The following PDE3A variants were observed in gnomAD, a reference collection of about 807,000 sequenced individuals.
PDE3A encodes phosphodiesterase 3A.
In PDE3A, 43 loss-of-function variants were observed where a neutral mutation model predicts 98.3. The observed-to-expected ratio is 0.44, with a 90% confidence interval of 0.34 to 0.56. PDE3A has a LOEUF of 0.56. PDE3A is among the 20% of genes least tolerant of loss of function. The probability of loss-of-function intolerance (pLI) is 0.01; values close to 1 mark genes in which losing one functional copy is unlikely to be tolerated. For synonymous variants in PDE3A, 663 were observed against 567.9 expected, an observed-to-expected ratio of 1.17 and a Z score of -2.38; for missense variants, 1,427 against 1,440.7, an observed-to-expected ratio of 0.99 and a Z score of 0.15.
At chr12:20,641,906 A>G (rs1387799438) in intron 10 of PDE3A, among the ~76,000 whole-genome samples, 1 of 152,130 alleles carries the variant, frequency 6.6e-6, no homozygotes, top group African/African-American at 2.4e-5. Flanking sequence ...ATCTTCTCAT[A>G]GGAAAGCTCT....
chr12:20,515,773 C>T (rs947296461), intron 1 of PDE3A, among the ~76,000 whole-genome samples: 2 of 150,642 alleles, frequency 1.3e-5, no homozygotes, highest in African/African-American at 2.4e-5. Flanking sequence ...CGCTCTGTCG[C>T]CCAGGCTGGA....
intron 1 of PDE3A, 94 bp from the exon 2 acceptor site, chr12:20,556,566 G>A (rs1320090557): frequency 2.4e-6 from 2 of 820,652 alleles, no homozygotes; most frequent in African/African-American, 3.5e-5. Context: ...TACTAATAAA[G>A]ATTGGAACAA....
chr12:20,475,713 C>T (rs770664422), intron 1 of PDE3A, among the ~76,000 whole-genome samples: 1 of 140,624 alleles, frequency 7.1e-6, no homozygotes, highest in Non-Finnish European at 1.6e-5. Flanking sequence ...CTGGGTGACA[C>T]ACCATACACA....
intron 1 of PDE3A, among the ~76,000 whole-genome samples, chr12:20,449,267 G>C (rs1399630156): frequency 6.6e-6 from 1 of 152,126 alleles, no homozygotes; most frequent in Non-Finnish European, 1.5e-5. Context: ...GTAATAATCT[G>C]TGTTATTCCA....
chr12:20,569,199 C>A (rs1942734464), intron 2 of PDE3A, among the ~76,000 whole-genome samples: 1 of 151,954 alleles, frequency 6.6e-6, no homozygotes, highest in Non-Finnish European at 1.5e-5. Flanking sequence ...TTTTTGAAAT[C>A]ATGTTTTAAA....
Position 20,680,138 on chromosome 12 carries a change from G to A in PDE3A, c.3293G>A (p.Gly1098Asp), listed in dbSNP as rs764611561. The change falls in exon 16 of 16, where the codon GGC becomes GAC. Residue 1098 changes from glycine to aspartate, a missense_variant. This residue lies in a region of PDE3A where 142 missense variants were observed against 133.9 expected (regional missense o/e 1.06). Transcript: ENST00000359062. Reference sequence around the variant, plus strand: ...ATTGAAGAGGAGCAACGGTTGGCAGGCATAGAAAATCAATCCCTGGACCAG... The same window carrying A: ...ATTGAAGAGGAGCAACGGTTGGCAGACATAGAAAATCAATCCCTGGACCAG... ...KVIEEEQRLA[G>D]IENQSLDQTP... is the part of the protein sequence containing the mutation. The A allele has an allele frequency of 9.3e-6, 15 of 1,613,726 alleles. No individual in the cohort carries two copies. Among genetic ancestry groups the A allele is most frequent in the Non-Finnish European group, 1.3e-5 (15 of 1,179,884 alleles).
intron 1 of PDE3A, among the ~76,000 whole-genome samples, chr12:20,536,412 A>C (rs1317915223): frequency 6.6e-6 from 1 of 151,974 alleles, no homozygotes; most frequent in East Asian, 1.9e-4. Flanking sequence ...TTATCCACTT[A>C]AAGTATACAA....
At chr12:20,469,678 GT>G (rs1945403208) in intron 1 of PDE3A, among the ~76,000 whole-genome samples, 1 of 152,086 alleles carries the variant, frequency 6.6e-6, no homozygotes, top group Non-Finnish European at 1.5e-5. Context: ...GCCTTTATAT[GT>G]TTTTAAAAGA....
chr12:20,618,643 A>T (rs1035893320), intron 4 of PDE3A, among the ~76,000 whole-genome samples: 2 of 152,082 alleles, frequency 1.3e-5, no homozygotes, highest in South Asian at 4.1e-4. Flanking sequence ...TCTGTACCCA[A>T]TTACAAGGAG....
chr12:20,415,137 T>C (rs1319191399), intron 1 of PDE3A, among the ~76,000 whole-genome samples: 1 of 152,044 alleles, frequency 6.6e-6, no homozygotes, highest in Non-Finnish European at 1.5e-5. Context: ...TTTTCCTTTC[T>C]TTTTGTATCA....
At chr12:20,475,776 AGTTTT>A (rs888309430) in intron 1 of PDE3A, among the ~76,000 whole-genome samples, 3 of 152,222 alleles carry the variant, frequency 2.0e-5, no homozygotes, top group Non-Finnish European at 4.4e-5. Flanking sequence ...AAATGCTTTC[AGTTTT>A]GTTTTGTGCA....
At chr12:20,665,824 A>G (rs1945293465) in intron 15 of PDE3A, among the ~76,000 whole-genome samples, 1 of 152,006 alleles carries the variant, frequency 6.6e-6, no homozygotes, top group Non-Finnish European at 1.5e-5. Context: ...TGTAATATGC[A>G]ACTTTTTGTA....
At chr12:20,537,633 C>T (rs982916612) in intron 1 of PDE3A, among the ~76,000 whole-genome samples, 1 of 151,982 alleles carries the variant, frequency 6.6e-6, no homozygotes, top group African/African-American at 2.4e-5. Context: ...ATGTTGTTTG[C>T]TTTATTTCTT....
chr12:20,635,577 C>A (rs1272105757), intron 8 of PDE3A, among the ~76,000 whole-genome samples: 55 of 120,246 alleles, frequency 4.6e-4, no homozygotes, highest in Middle Eastern at 4.2e-3. Context: ...GACTCTGTCT[C>A]AAAAAAAAAA....
intron 1 of PDE3A, among the ~76,000 whole-genome samples, chr12:20,457,177 A>G (rs1945167961): frequency 6.6e-6 from 1 of 152,108 alleles, no homozygotes; most frequent in African/African-American, 2.4e-5. Context: ...AATATGAAAT[A>G]CACTACAGAA....
intron 5 of PDE3A, among the ~76,000 whole-genome samples, chr12:20,625,929 T>C (rs904824818): frequency 6.6e-6 from 1 of 152,310 alleles, no homozygotes; most frequent in Admixed American, 6.5e-5. Context: ...CTATGTCTTC[T>C]TCCTGGAATC....
At chr12:20,546,030 G>C (rs1462740529) in intron 1 of PDE3A, among the ~76,000 whole-genome samples, 2 of 151,916 alleles carry the variant, frequency 1.3e-5, no homozygotes, top group African/African-American at 4.8e-5. Flanking sequence ...TTATGAGACT[G>C]TGGCTGCTAG....
intron 1 of PDE3A, among the ~76,000 whole-genome samples, chr12:20,510,216 A>T (rs564227601): frequency 2.0e-4 from 30 of 152,162 alleles, no homozygotes; most frequent in African/African-American, 7.0e-4. Flanking sequence ...AGTTATACAA[A>T]TGGTAGTTGC....
At chr12:20,462,667 C>A (rs1334073036) in intron 1 of PDE3A, among the ~76,000 whole-genome samples, 1 of 152,044 alleles carries the variant, frequency 6.6e-6, no homozygotes, top group African/African-American at 2.4e-5. Context: ...ATGTTATTTT[C>A]AATGTCTGAA....
Sources: gnomAD v4.1 joint callset for allele counts (sites outside exome capture counted in the v4.1 genomes callset) on GRCh38, gnomAD v4.1.1 for gene constraint, gnomAD v4.1.1 regional missense constraint, MANE v1.5 for transcripts, NCBI Gene and HGNC (gene_info 2026-07-23, HGNC 2026-07-21) for gene names.